GOLM1: variants seen among roughly 807,000 people sequenced by gnomAD.
GOLM1 encodes golgi membrane protein 1, also known as epididymis luminal protein 46.
In GOLM1, 31 loss-of-function variants were observed where a neutral mutation model predicts 50.5. That is an observed-to-expected ratio of 0.61 (90% confidence interval 0.46 to 0.83). GOLM1 has a LOEUF of 0.83. Ranked by LOEUF, GOLM1 falls within the 40% of genes least tolerant of loss-of-function variation. The probability of loss-of-function intolerance (pLI) is 0.00; values close to 1 mark genes in which losing one functional copy is unlikely to be tolerated. For synonymous variants in GOLM1, 178 were observed against 192.8 expected (o/e 0.92, Z 0.64); for missense variants, 491 against 501.3 (o/e 0.98, Z 0.20).
intron 4 of GOLM1, among the ~76,000 whole-genome samples, chr9:86,050,215 GC>G (rs1470863037): frequency 7.9e-5 from 12 of 152,166 alleles, no homozygotes; most frequent in Non-Finnish European, 2.9e-5. Context: ...CGGGATGAAG[GC>G]AACTTGATTG....
chr9:86,092,052 C>T (rs1160052820), intron 1 of GOLM1, among the ~76,000 whole-genome samples: 6 of 152,136 alleles, frequency 3.9e-5, no homozygotes, highest in Non-Finnish European at 8.8e-5. Context: ...ACTGGCTCCA[C>T]CACTCAGGAA....
At chr9:86,061,934 G>C (rs1416229033) in intron 3 of GOLM1, among the ~76,000 whole-genome samples, 2 of 152,172 alleles carry the variant, frequency 1.3e-5, no homozygotes, top group East Asian at 3.9e-4. Context: ...CAGAAAGGCG[G>C]GTCTGGACCT....
chr9:86,036,867 C>T (rs1293737699), intron 6 of GOLM1: 1 of 214,680 alleles, frequency 4.7e-6, no homozygotes, highest in East Asian at 1.3e-4. Context: ...AACCCTCAGC[C>T]TAGCAAGGGC....
chr9:86,026,321 A>C lies in GOLM1; in HGVS notation c.*1496T>G, dbSNP rs1035234194. ...TGAAAGTACTCTAAGATTTTATCTA[A>C]GTTGCCTTTTCTGGGTGGGAAAGTT... On this transcript the variant is annotated 3_prime_UTR_variant, in exon 10 of 10. Transcript: ENST00000388712. 3.0e-6 allele frequency: 3 copies of C among 984,934 alleles called. No individual in the cohort carries two copies. The African/African-American group carries it at 5.2e-5, about 17-fold the overall frequency. The allele number at this position is 984,934 out of a possible 1,614,324, so 61.0% of individuals were successfully genotyped here. A position where few individuals can be genotyped will look rare whatever the true frequency, so the allele number is the denominator to read the frequency against.
chr9:86,081,438 C>A (rs974636506), intron 1 of GOLM1, among the ~76,000 whole-genome samples: 1 of 151,910 alleles, frequency 6.6e-6, no homozygotes, highest in African/African-American at 2.4e-5. Flanking sequence ...TCAGGTGATC[C>A]GTCTGCCTCG....
At chr9:86,047,672 A>G (rs1414342539) in intron 4 of GOLM1, among the ~76,000 whole-genome samples, 12 of 152,190 alleles carry the variant, frequency 7.9e-5, no homozygotes. Flanking sequence ...GTTCTTGTAT[A>G]TAAACGATAC....
At chr9:86,077,748 G>A (rs1352918990) in intron 2 of GOLM1, 157 bp from the exon 3 acceptor site, 2 of 591,284 alleles carry the variant, frequency 3.4e-6, no homozygotes, top group African/African-American at 3.7e-5. Context: ...CTGGACAGAA[G>A]CTGGAGCGGT....
chr9:86,051,138 G>A (rs1008412526), intron 4 of GOLM1, among the ~76,000 whole-genome samples: 1 of 152,152 alleles, frequency 6.6e-6, no homozygotes, highest in African/African-American at 2.4e-5. Context: ...AGTCATTCAG[G>A]AGCAGGTTGT....
At chr9:86,069,090 A>C (rs1338858511) in intron 3 of GOLM1, among the ~76,000 whole-genome samples, 1 of 151,734 alleles carries the variant, frequency 6.6e-6, no homozygotes, top group Non-Finnish European at 1.5e-5. Flanking sequence ...AAAGTATTAT[A>C]AGTATATTAT....
chr9:86,095,923 G>C (rs1271447063), intron 1 of GOLM1, among the ~76,000 whole-genome samples: 1 of 152,208 alleles, frequency 6.6e-6, no homozygotes, highest in Non-Finnish European at 1.5e-5. Context: ...TAGGAAAAGA[G>C]TACTGATGTG....
chr9:86,041,197 T>A (rs1456326766), intron 5 of GOLM1, among the ~76,000 whole-genome samples: 1 of 152,166 alleles, frequency 6.6e-6, no homozygotes, highest in African/African-American at 2.4e-5. Context: ...CTTAAAAGCC[T>A]TGGAAGTTCC....
intron 3 of GOLM1, among the ~76,000 whole-genome samples, chr9:86,059,195 G>A (rs1368412685): frequency 6.6e-6 from 1 of 152,100 alleles, no homozygotes; most frequent in African/African-American, 2.4e-5. Context: ...ACTTGTAGGT[G>A]TACACCCAAG....
chr9:86,080,131 G>A (rs1834743356), intron 1 of GOLM1: 1 of 152,268 alleles, frequency 6.6e-6, no homozygotes, highest in South Asian at 2.1e-4. Context: ...ACCTTCTTTC[G>A]AACATTCATT....
At position 86,052,524 on chromosome 9, in the gene GOLM1, G is replaced by A. The variant is rs751579609; in HGVS notation, c.364+13C>T. Reference sequence around the variant, plus strand: ...AGGCCAGTGCCTGGTGTGGAGGAGCGAGCGGAACTTACCTTGCAGCACTCG... The same window carrying A: ...AGGCCAGTGCCTGGTGTGGAGGAGCAAGCGGAACTTACCTTGCAGCACTCG... On this transcript the variant is annotated intron_variant, in intron 4 of 9. Transcript: ENST00000388712. The A allele has an allele frequency of 5.6e-6, 9 of 1,612,272 alleles. No individual in the cohort carries two copies. The highest frequency in any genetic ancestry group is 5.1e-6 in the Non-Finnish European group (6 of 1,178,488).
chr9:86,060,047 T>TA (rs1207887387), intron 3 of GOLM1, among the ~76,000 whole-genome samples: 1 of 152,186 alleles, frequency 6.6e-6, no homozygotes, highest in Non-Finnish European at 1.5e-5. Flanking sequence ...ATCCCAACTT[T>TA]AAAAATAAGA....
chr9:86,039,208 T>G (rs1833249402), intron 6 of GOLM1, among the ~76,000 whole-genome samples: 1 of 152,214 alleles, frequency 6.6e-6, no homozygotes, highest in African/African-American at 2.4e-5. Flanking sequence ...CTGAATATCA[T>G]CAGGGATATC....
intron 3 of GOLM1, among the ~76,000 whole-genome samples, chr9:86,053,822 C>T (rs1833904348): frequency 6.7e-6 from 1 of 148,956 alleles, no homozygotes; most frequent in South Asian, 2.2e-4. Flanking sequence ...ACACATCACA[C>T]ACCAAACCAA....
chr9:86,026,275 G>GAA lies in GOLM1; in HGVS notation c.*1541_*1542insTT. 1 of 985,100 alleles carries GAA rather than the reference G, an allele frequency of 1.0e-6. No homozygotes were observed. Among genetic ancestry groups the GAA allele is most frequent in the Non-Finnish European group, 1.2e-6 (1 of 829,678 alleles). The allele number at this position is 985,100 out of a possible 1,614,324, so 61.0% of individuals were successfully genotyped here. The stretch of plus-strand genomic sequence containing the variant: ...CCCAAGGAGGACTCAAAGTGAGGCT[G>GAA]GAAGAGGACTTAGAAGAGTATGAAA... On this transcript the variant is annotated 3_prime_UTR_variant, in exon 10 of 10. Transcript: ENST00000388712.
intron 3 of GOLM1, among the ~76,000 whole-genome samples, chr9:86,056,034 A>G (rs2118761083): frequency 6.6e-6 from 1 of 152,276 alleles, no homozygotes; most frequent in South Asian, 2.1e-4. Flanking sequence ...CCCAGAGTTG[A>G]TCTCCTGGGT....
Sources: allele counts gnomAD v4.1 joint callset (sites outside exome capture counted in the v4.1 genomes callset), GRCh38; gene constraint gnomAD v4.1.1; transcripts MANE v1.5; gene names NCBI Gene and HGNC (gene_info 2026-07-23, HGNC 2026-07-21).